Variants in PTPRO observed in about 807,000 individuals in gnomAD.
The protein encoded by PTPRO is protein tyrosine phosphatase receptor type O.
PTPRO carries 62 observed loss-of-function variants against 145.2 expected under a neutral mutation model. The ratio of observed to expected loss-of-function variants is 0.43; its 90% CI spans 0.35 to 0.53. The LOEUF (loss-of-function observed/expected upper bound fraction) is 0.53. Ranked by LOEUF, PTPRO falls within the 20% of genes least tolerant of loss-of-function variation. The pLI, the probability that PTPRO is intolerant of heterozygous loss-of-function variation, is 0.01. For missense variants in PTPRO, 1,345 were observed against 1,482.7 expected (o/e 0.91, Z 1.53); for synonymous variants, 565 against 514.7 (o/e 1.10, Z -1.32).
At chr12:15,451,100 C>T (rs1221752812) in intron 1 of PTPRO, among the ~76,000 whole-genome samples, 1 of 152,004 alleles carries the variant, frequency 6.6e-6, no homozygotes, top group Non-Finnish European at 1.5e-5. Flanking sequence ...TCACCTAACA[C>T]ATAAGGACTC....
intron 25 of PTPRO, among the ~76,000 whole-genome samples, chr12:15,590,280 C>T (rs1944519487): frequency 6.6e-6 from 1 of 152,196 alleles, no homozygotes; most frequent in Non-Finnish European, 1.5e-5. Context: ...GCAGACAGCA[C>T]CGCCTGCCTC....
At chr12:15,403,191 C>T (rs1214954178) in intron 1 of PTPRO, among the ~76,000 whole-genome samples, 1 of 152,206 alleles carries the variant, frequency 6.6e-6, no homozygotes, top group East Asian at 1.9e-4. Context: ...CCTTGCCACA[C>T]TACCCTTTGA....
At chr12:15,430,229 G>A (rs867880084) in intron 1 of PTPRO, among the ~76,000 whole-genome samples, 34 of 151,918 alleles carry the variant, frequency 2.2e-4, no homozygotes, top group African/African-American at 8.2e-4. Flanking sequence ...GCAGAGAGAT[G>A]AGAAAAAACA....
intron 1 of PTPRO, among the ~76,000 whole-genome samples, chr12:15,442,901 A>C (rs1322599642): frequency 6.6e-6 from 1 of 151,904 alleles, no homozygotes; most frequent in African/African-American, 2.4e-5. Context: ...TGCTGCCCAA[A>C]GCAATCTACA....
At chr12:15,389,817 A>G (rs1591767840) in intron 1 of PTPRO, among the ~76,000 whole-genome samples, 1 of 152,336 alleles carries the variant, frequency 6.6e-6, no homozygotes, top group Non-Finnish European at 1.5e-5. Context: ...ACCCTGGCTC[A>G]AGAAATTGAG....
At chr12:15,353,414 GT>G (rs561119834) in intron 1 of PTPRO, among the ~76,000 whole-genome samples, 420 of 148,510 alleles carry the variant, frequency 2.8e-3, no homozygotes, top group African/African-American at 9.0e-3. Flanking sequence ...TGTTGATGCA[GT>G]TTTTTTTTTT....
chr12:15,325,402 G>A (rs1565564798), intron 1 of PTPRO, among the ~76,000 whole-genome samples: 3 of 152,336 alleles, frequency 2.0e-5, no homozygotes, highest in South Asian at 2.1e-4. Flanking sequence ...CCATGGAGCA[G>A]TGATGAGCAC....
rs371004736 is a variant in PTPRO, at chr12:15,512,731, C to T, written c.1465-2767C>T. Among the ~76,000 whole-genome samples, 90 of 152,288 alleles carry T rather than the reference C, an allele frequency of 5.9e-4. No individual in the cohort carries two copies. In the South Asian group the frequency reaches 7.9e-3, roughly 13 times the overall value. On this transcript the variant is annotated intron_variant, in intron 7 of 26. Transcript: ENST00000281171. ...CTATCAGGCCAGGCACGGCGGTTCA[C>T]GCCTGTAATCCTAGCACTTTGGGAG...
At chr12:15,451,593 G>A (rs544425774) in intron 1 of PTPRO, among the ~76,000 whole-genome samples, 1 of 152,196 alleles carries the variant, frequency 6.6e-6, no homozygotes, top group South Asian at 2.1e-4. Flanking sequence ...CAGATGATAG[G>A]CCACAAAACA....
At chr12:15,368,543 C>T (rs893162371) in intron 1 of PTPRO, among the ~76,000 whole-genome samples, 4 of 152,098 alleles carry the variant, frequency 2.6e-5, no homozygotes, top group African/African-American at 7.2e-5. Context: ...ACATCCACAG[C>T]AGTTAGAACA....
intron 10 of PTPRO, among the ~76,000 whole-genome samples, chr12:15,522,989 T>C (rs1189233245): frequency 6.6e-6 from 1 of 152,228 alleles, no homozygotes; most frequent in Non-Finnish European, 1.5e-5. Flanking sequence ...ATTAGGAGGC[T>C]ATAAGGAAGC....
chr12:15,464,817 C>A (rs75584760), intron 1 of PTPRO, among the ~76,000 whole-genome samples: 5,600 of 152,016 alleles, frequency 0.037, 151 homozygotes, highest in African/African-American at 0.064. Context: ...AAATAATAGG[C>A]AAATGTGTGA....
At chr12:15,409,887 C>G (rs1467928827) in intron 1 of PTPRO, among the ~76,000 whole-genome samples, 1 of 152,202 alleles carries the variant, frequency 6.6e-6, no homozygotes, top group African/African-American at 2.4e-5. Flanking sequence ...CTATCTCCAG[C>G]ATTGGGGATT....
At chr12:15,334,451 C>T (rs949668246) in intron 1 of PTPRO, among the ~76,000 whole-genome samples, 1 of 152,050 alleles carries the variant, frequency 6.6e-6, no homozygotes, top group Non-Finnish European at 1.5e-5. Context: ...GACCAAAAAC[C>T]TGAATTGTCC....
intron 1 of PTPRO, among the ~76,000 whole-genome samples, chr12:15,380,317 G>A (rs1938819032): frequency 6.6e-6 from 1 of 152,028 alleles, no homozygotes; most frequent in Admixed American, 6.6e-5. Flanking sequence ...ATTACGAATA[G>A]GGAATTCAAT....
intron 1 of PTPRO, among the ~76,000 whole-genome samples, chr12:15,381,055 T>TA (rs1938846549): frequency 6.6e-6 from 1 of 152,208 alleles, no homozygotes; most frequent in Non-Finnish European, 1.5e-5. Flanking sequence ...GCTGATACCA[T>TA]ACTAGACAGT....
chr12:15,487,534 C>T (rs1941914940), intron 2 of PTPRO, among the ~76,000 whole-genome samples: 1 of 152,170 alleles, frequency 6.6e-6, no homozygotes, highest in Non-Finnish European at 1.5e-5. Flanking sequence ...TTGCTGTCCT[C>T]TTAGTGGTTT....
At chr12:15,399,378 A>T (rs1381380865) in intron 1 of PTPRO, among the ~76,000 whole-genome samples, 2 of 152,222 alleles carry the variant, frequency 1.3e-5, no homozygotes, top group African/African-American at 4.8e-5. Context: ...AAGCTAAATT[A>T]CTTGCCCCAG....
chr12:15,531,153 G>A (rs1339703696), intron 12 of PTPRO, among the ~76,000 whole-genome samples: 1 of 152,038 alleles, frequency 6.6e-6, no homozygotes, highest in African/African-American at 2.4e-5. Flanking sequence ...TAATGAGACT[G>A]AACAATTAAG....
Sources: allele counts gnomAD v4.1 joint callset (sites outside exome capture counted in the v4.1 genomes callset), GRCh38; gene constraint gnomAD v4.1.1; transcripts MANE v1.5; gene names NCBI Gene and HGNC (gene_info 2026-07-23, HGNC 2026-07-21).